The following KCNQ1 variants were observed in gnomAD, a reference collection of about 807,000 sequenced individuals.
KCNQ1 encodes the protein potassium voltage-gated channel subfamily KQT member 1.
In KCNQ1, 49 loss-of-function variants were observed where a neutral mutation model predicts 72.4. The observed-to-expected ratio is 0.68, with a 90% CI of 0.54 to 0.86. The LOEUF (loss-of-function observed/expected upper bound fraction) is 0.86, where lower values mean the gene tolerates loss of function less well. Ranked by LOEUF, KCNQ1 falls within the 40% of genes least tolerant of loss-of-function variation. KCNQ1 has a pLI of 0.00. For missense variants in KCNQ1, 790 were observed against 945.1 expected, an observed-to-expected ratio of 0.84 and a Z score of 2.15; for synonymous variants, 450 against 412.6, an observed-to-expected ratio of 1.09 and a Z score of -1.10.
intron 10 of KCNQ1, chr11:2,641,722 A>G (rs1280722272): frequency 2.5e-6 from 1 of 398,232 alleles, no homozygotes. Context: ...CCAATGTCCT[A>G]AAGTGTTTCC....
At chr11:2,616,941 T>C in intron 10 of KCNQ1, 1 of 395,160 alleles carries the variant, frequency 2.5e-6, no homozygotes, top group Non-Finnish European at 4.4e-6. Flanking sequence ...GGCTTCTGTC[T>C]GGCTGTACAT....
intron 2 of KCNQ1, among the ~76,000 whole-genome samples, chr11:2,530,824 T>C (rs1847610187): frequency 6.6e-6 from 1 of 152,176 alleles, no homozygotes. Flanking sequence ...TGTGTATTTA[T>C]GTATAGCTAT....
At chr11:2,738,901 T>G (rs1442290347) in intron 11 of KCNQ1, among the ~76,000 whole-genome samples, 1 of 152,092 alleles carries the variant, frequency 6.6e-6, no homozygotes, top group Non-Finnish European at 1.5e-5. Flanking sequence ...GCGGGTGCAG[T>G]GAGGTGCCTG....
At chr11:2,618,003 C>T (rs2106464) in intron 10 of KCNQ1, 11,504 of 398,402 alleles carry the variant, frequency 0.029, 546 homozygotes, top group African/African-American at 0.13. Context: ...CTTTTGTTGA[C>T]TGTTTCCGTT....
At chr11:2,629,260 G>C (rs566048083) in intron 10 of KCNQ1, 1 of 398,272 alleles carries the variant, frequency 2.5e-6, no homozygotes, top group Admixed American at 4.4e-5. Context: ...TATCATCTTA[G>C]AATTTGTTCA....
At chr11:2,795,855 A>G (rs917866227) in intron 15 of KCNQ1, among the ~76,000 whole-genome samples, 9 of 152,124 alleles carry the variant, frequency 5.9e-5, no homozygotes, top group African/African-American at 2.2e-4. Flanking sequence ...CTCCACAAGC[A>G]GGGGTCCCAT....
chr11:2,729,046 G>A (rs941514765), intron 11 of KCNQ1, among the ~76,000 whole-genome samples: 1 of 152,240 alleles, frequency 6.6e-6, no homozygotes, highest in Non-Finnish European at 1.5e-5. Flanking sequence ...CAGAACAATA[G>A]CCCGTTTATG....
chr11:2,658,242 T>G lies in KCNQ1; in HGVS notation c.1394-3719T>G. 1 of 398,616 alleles carries G rather than the reference T, an allele frequency of 2.5e-6. No homozygotes were observed. The highest frequency in any genetic ancestry group is 2.1e-5 in the African/African-American group (1 of 48,770). 24.7% of individuals were successfully genotyped at this position (398,616 alleles called of 1,614,324 possible). A position where few individuals can be genotyped will look rare whatever the true frequency, so the allele number is the denominator to read the frequency against. ...ATGGATCGTTTTCCTGCAGCAAATA[T>G]TACCGTGATGTACTTCTATTTTCCT... On this transcript the variant is annotated intron_variant, in intron 10 of 15. Coordinates refer to ENST00000155840, the MANE Select transcript of KCNQ1 (RefSeq NM_000218.3). The surrounding 1 kb of genome is among the most constrained non-coding windows in gnomAD (Gnocchi z 4.9).
intron 15 of KCNQ1, among the ~76,000 whole-genome samples, chr11:2,795,419 G>A (rs1941345379): frequency 6.6e-6 from 1 of 152,242 alleles, no homozygotes; most frequent in Non-Finnish European, 1.5e-5. Flanking sequence ...AGCAAAAAGA[G>A]CCTGAGCTGT....
At chr11:2,609,709 A>G (rs757057176) in intron 10 of KCNQ1, 4 of 398,228 alleles carry the variant, frequency 1.0e-5, no homozygotes, top group Non-Finnish European at 1.8e-5. Context: ...CTCTATTGTT[A>G]GGTGAATATA....
chr11:2,820,466 C>T (rs900482972), intron 15 of KCNQ1, among the ~76,000 whole-genome samples: 1 of 152,022 alleles, frequency 6.6e-6, no homozygotes, highest in Non-Finnish European at 1.5e-5. Flanking sequence ...TTTCTGTGAC[C>T]TTTTTGTATA....
intron 11 of KCNQ1, chr11:2,667,785 T>G: frequency 2.5e-6 from 1 of 398,702 alleles, no homozygotes; most frequent in Non-Finnish European, 4.4e-6. Context: ...GCTATCCACC[T>G]AATTAGGCTC....
At chr11:2,701,106 C>A (rs1426974348) in intron 11 of KCNQ1, among the ~76,000 whole-genome samples, 1 of 152,198 alleles carries the variant, frequency 6.6e-6, no homozygotes, top group Non-Finnish European at 1.5e-5. Context: ...CCAAGCGAGC[C>A]AGCCGTCCCC....
At position 2,818,006 on chromosome 11, in the gene KCNQ1, C is replaced by G. The variant is rs1398105917; in HGVS notation, c.1795-29761C>G. Among the ~76,000 whole-genome samples, 1 of 152,178 alleles carries G rather than the reference C, an allele frequency of 6.6e-6. No homozygotes were observed. Among genetic ancestry groups the G allele is most frequent in the East Asian group, 1.9e-4 (1 of 5,194 alleles). On this transcript the variant is annotated intron_variant, in intron 15 of 15. Coordinates refer to ENST00000155840, the MANE Select transcript of KCNQ1 (RefSeq NM_000218.3). The surrounding 1 kb of genome is among the most constrained non-coding windows in gnomAD (Gnocchi z 7.2). Reference sequence around the variant, plus strand: ...AACTCTATCTACAAAATATTTTTCTCTTTTATCATTAAAGAATATGCATTA... The same window carrying G: ...AACTCTATCTACAAAATATTTTTCTGTTTTATCATTAAAGAATATGCATTA...
At chr11:2,802,082 A>G (rs1847278986) in intron 15 of KCNQ1, among the ~76,000 whole-genome samples, 1 of 152,182 alleles carries the variant, frequency 6.6e-6, no homozygotes, top group African/African-American at 2.4e-5. Flanking sequence ...ACATTCACCC[A>G]GACTCACACC....
chr11:2,673,765 G>A lies in KCNQ1; in HGVS notation c.1514+11684G>A, dbSNP rs1003056710. 4.0e-5 allele frequency: 16 copies of A among 398,400 alleles called. No individual in the cohort carries two copies. The highest frequency in any genetic ancestry group is 2.5e-4 in the South Asian group (2 of 7,856). The allele number at this position is 398,400 out of a possible 1,614,324, so 24.7% of individuals were successfully genotyped here. ...GGAAGGGGTACAGTCCCTTCTTGCT[G>A]GTATGTTGGGAAGCTCTGGTGCAAA... On this transcript the variant is annotated intron_variant, in intron 11 of 15. Transcript: ENST00000155840. The surrounding 1 kb of genome is among the most constrained non-coding windows in gnomAD (Gnocchi z 4.5).
intron 10 of KCNQ1, chr11:2,646,186 A>G: frequency 2.5e-6 from 1 of 398,506 alleles, no homozygotes; most frequent in South Asian, 1.3e-4. Context: ...GTGGTTACCT[A>G]CTTGCTATAT....
chr11:2,608,527 A>G lies in KCNQ1; in HGVS notation c.1393+19673A>G. 2.5e-6 allele frequency: 1 copy of G among 398,464 alleles called. No homozygotes were observed. Among genetic ancestry groups the G allele is most frequent in the Non-Finnish European group, 4.4e-6 (1 of 226,038 alleles). The allele number at this position is 398,464 out of a possible 1,614,324, so 24.7% of individuals were successfully genotyped here. On this transcript the variant is annotated intron_variant, in intron 10 of 15. Coordinates refer to ENST00000155840, the MANE Select transcript of KCNQ1 (RefSeq NM_000218.3). The surrounding 1 kb of genome is among the most constrained non-coding windows in gnomAD (Gnocchi z 4.6). Reference sequence around the variant, plus strand: ...GTCTCTCTCTGTTGCCCAGGCTGGAATAGAGTGGTGTAATCATAGCTCACT... The same window carrying G: ...GTCTCTCTCTGTTGCCCAGGCTGGAGTAGAGTGGTGTAATCATAGCTCACT...
intron 10 of KCNQ1, among the ~76,000 whole-genome samples, chr11:2,604,193 G>A (rs1848847384): frequency 6.6e-6 from 1 of 152,022 alleles, no homozygotes; most frequent in South Asian, 2.1e-4. Flanking sequence ...AGATATGAAA[G>A]GCTGGGTGTG....
Sources: gnomAD v4.1 joint callset for allele counts (sites outside exome capture counted in the v4.1 genomes callset) on GRCh38, gnomAD v4.1.1 for gene constraint, Gnocchi (gnomAD v3.1) non-coding constraint, MANE v1.5 for transcripts, NCBI Gene and HGNC (gene_info 2026-07-23, HGNC 2026-07-21) for gene names.